Variants in MAML3 observed in about 807,000 individuals in gnomAD.
MAML3 encodes the protein mastermind-like protein 3.
MAML3 carries 27 observed loss-of-function variants against 101.9 expected under a neutral mutation model. The observed-to-expected ratio is 0.27, with a 90% confidence interval of 0.20 to 0.37. The LOEUF is 0.37. MAML3 is among the 10% of genes least tolerant of loss of function. The probability of loss-of-function intolerance (pLI) is 1.00; values close to 1 mark genes in which losing one functional copy is unlikely to be tolerated. For missense variants in MAML3, 1,316 were observed against 1,444.9 expected (o/e 0.91, Z 1.45); for synonymous variants, 501 against 555.9 (o/e 0.90, Z 1.39).
chr4:140,104,374 A>AT (rs1285690458), intron 1 of MAML3, among the ~76,000 whole-genome samples: 136 of 97,340 alleles, frequency 1.4e-3, no homozygotes, highest in African/African-American at 4.8e-3. Context: ...ATATATATAT[A>AT]TAATATATAT....
intron 2 of MAML3, among the ~76,000 whole-genome samples, chr4:139,787,802 C>T (rs1005149455): frequency 2.0e-5 from 3 of 152,198 alleles, no homozygotes; most frequent in Non-Finnish European, 4.4e-5. Context: ...TTACTTTACA[C>T]TTAACCAAAT....
At chr4:140,030,619 C>T (rs1726892407) in intron 1 of MAML3, among the ~76,000 whole-genome samples, 1 of 152,052 alleles carries the variant, frequency 6.6e-6, no homozygotes, top group African/African-American at 2.4e-5. Context: ...ATTCCTTTAC[C>T]TCATCTCACT....
chr4:140,132,584 A>C (rs1728813709), intron 1 of MAML3, among the ~76,000 whole-genome samples: 1 of 152,234 alleles, frequency 6.6e-6, no homozygotes, highest in African/African-American at 2.4e-5. Flanking sequence ...CACTACTCAG[A>C]AGCAATTGCT....
chr4:140,021,642 C>T (rs750044824), intron 1 of MAML3, among the ~76,000 whole-genome samples: 1 of 152,056 alleles, frequency 6.6e-6, no homozygotes, highest in Non-Finnish European at 1.5e-5. Context: ...TCTCTGATTC[C>T]TTTTTCTCCA....
intron 1 of MAML3, among the ~76,000 whole-genome samples, chr4:140,074,508 T>C (rs1727734441): frequency 1.3e-5 from 2 of 152,184 alleles, no homozygotes; most frequent in Admixed American, 6.5e-5. Context: ...AGTGCCAACA[T>C]GATGCCCCAC....
At chr4:139,724,794 A>C (rs937364140) in intron 4 of MAML3, among the ~76,000 whole-genome samples, 27 of 112,780 alleles carry the variant, frequency 2.4e-4, no homozygotes, top group African/African-American at 7.9e-4. Flanking sequence ...TTTTTTTTTG[A>C]GACAGAGTCT....
At chr4:140,110,097 C>A (rs1399439980) in intron 1 of MAML3, among the ~76,000 whole-genome samples, 1 of 152,228 alleles carries the variant, frequency 6.6e-6, no homozygotes, top group Non-Finnish European at 1.5e-5. Flanking sequence ...TGTCCCTTTG[C>A]AGCCAACGAA....
At chr4:140,074,188 A>AGG (rs1727718132) in intron 1 of MAML3, among the ~76,000 whole-genome samples, 1 of 132,820 alleles carries the variant, frequency 7.5e-6, no homozygotes, top group Non-Finnish European at 1.6e-5. Context: ...AGAGAGAGAG[A>AGG]GAGAAAGAAA....
chr4:139,838,838 T>G (rs1373018394), intron 2 of MAML3, among the ~76,000 whole-genome samples: 1 of 152,134 alleles, frequency 6.6e-6, no homozygotes, highest in Admixed American at 6.5e-5. Context: ...AGAATCAAGA[T>G]GTGGTGTCCT....
At chr4:140,012,880 C>G (rs920109224) in intron 1 of MAML3, among the ~76,000 whole-genome samples, 4 of 152,190 alleles carry the variant, frequency 2.6e-5, no homozygotes, top group Non-Finnish European at 5.9e-5. Context: ...CCTCAAACTC[C>G]TTACTCATTG....
chr4:139,773,205 C>T (rs1730029637), intron 2 of MAML3, among the ~76,000 whole-genome samples: 1 of 151,990 alleles, frequency 6.6e-6, no homozygotes, highest in Non-Finnish European at 1.5e-5. Context: ...ATTGGCTCAC[C>T]ATACGCTCAT....
chr4:139,969,532 T>C (rs977306962), intron 1 of MAML3, among the ~76,000 whole-genome samples: 4 of 152,188 alleles, frequency 2.6e-5, no homozygotes, highest in African/African-American at 9.7e-5. Flanking sequence ...ACAGCAAACT[T>C]TTCATTTGGG....
At chr4:139,764,878 C>T (rs577215624) in intron 2 of MAML3, among the ~76,000 whole-genome samples, 6 of 152,328 alleles carry the variant, frequency 3.9e-5, no homozygotes, top group South Asian at 2.1e-4. Context: ...GCCGGCATCG[C>T]GGCCACACTC....
At chr4:139,928,046 T>C (rs1233595297) in intron 1 of MAML3, among the ~76,000 whole-genome samples, 2 of 152,226 alleles carry the variant, frequency 1.3e-5, no homozygotes, top group Non-Finnish European at 2.9e-5. Flanking sequence ...TACAGCTATA[T>C]TTCTGCATCT....
intron 2 of MAML3, among the ~76,000 whole-genome samples, chr4:139,808,118 G>A (rs1357880039): frequency 6.6e-6 from 1 of 152,218 alleles, no homozygotes; most frequent in Admixed American, 6.5e-5. Flanking sequence ...GAGGGATGAG[G>A]CATTCATCTG....
chr4:139,843,473 C>T (rs1412336113), intron 2 of MAML3, among the ~76,000 whole-genome samples: 1 of 152,224 alleles, frequency 6.6e-6, no homozygotes, highest in Non-Finnish European at 1.5e-5. Flanking sequence ...TCCCAACTTA[C>T]ACTACTGACA....
chr4:139,894,337 C>T (rs1198221386), intron 1 of MAML3, among the ~76,000 whole-genome samples: 1 of 151,952 alleles, frequency 6.6e-6, no homozygotes, highest in African/African-American at 2.4e-5. Context: ...GGTGAAACCC[C>T]GTCTCTACTA....
chr4:139,905,120 C>CT (rs1732796841), intron 1 of MAML3, among the ~76,000 whole-genome samples: 1 of 152,212 alleles, frequency 6.6e-6, no homozygotes, highest in African/African-American at 2.4e-5. Context: ...GAAGCTTGGA[C>CT]TTTATCCAGA....
intron 2 of MAML3, among the ~76,000 whole-genome samples, chr4:139,833,466 G>C (rs909623770): frequency 1.3e-5 from 2 of 152,180 alleles, no homozygotes; most frequent in Non-Finnish European, 2.9e-5. Flanking sequence ...TGGGGAGTGG[G>C]AGAGCAGAGG....
Sources: allele counts gnomAD v4.1 joint callset (sites outside exome capture counted in the v4.1 genomes callset), GRCh38; gene constraint gnomAD v4.1.1; transcripts MANE v1.5; gene names NCBI Gene and HGNC (gene_info 2026-07-23, HGNC 2026-07-21).